BTN2A1: variants seen among roughly 807,000 people sequenced by gnomAD.
The protein encoded by BTN2A1 is butyrophilin, subfamily 2, member A1.
In BTN2A1, 41 loss-of-function variants were observed where a neutral mutation model predicts 34.5. The ratio of observed to expected loss-of-function variants is 1.19; its 90% CI spans 0.93 to 1.54. The LOEUF (loss-of-function observed/expected upper bound fraction) is 1.54, where lower values mean the gene tolerates loss of function less well. Among genes scored for constraint, BTN2A1 ranks in the 40% most tolerant of loss-of-function variants. The probability of loss-of-function intolerance (pLI) is 0.00; values close to 1 mark genes in which losing one functional copy is unlikely to be tolerated. For missense variants in BTN2A1, 642 were observed against 662.0 expected (o/e 0.97, Z 0.33); for synonymous variants, 267 against 258.6 (o/e 1.03, Z -0.31).
At chr6:26,459,426 C>A in intron 2 of BTN2A1, 55 bp from the exon 3 acceptor site, 1 of 1,566,304 alleles carries the variant, frequency 6.4e-7, no homozygotes, top group East Asian at 2.3e-5. Flanking sequence ...TCCTTTCTTG[C>A]CTTAGAGATG....
At position 26,459,581 on chromosome 6, in the gene BTN2A1, C is replaced by G; in HGVS notation, c.183C>G (p.Asp61Glu). Residue 61 changes from aspartate (D) to glutamate (E), a missense_variant, in exon 3 of 8, where the codon GAC becomes GAG. Physicochemically the swap from Asp to Glu is conservative, Grantham distance 45 (BLOSUM62 2). Coordinates refer to ENST00000312541, the MANE Select transcript of BTN2A1 (RefSeq NM_007049.5). ...TGTCACCCGAGAAAAATGCTGAGGA[C>G]ATGGAGGTGCGGTGGTTCCGGTCTC... ...CHLSPEKNAE[D>E]MEVRWFRSQF... The G allele has an allele frequency of 6.2e-7, 1 of 1,613,990 alleles. No homozygotes were observed. The highest frequency in any genetic ancestry group is 1.7e-5 in the Admixed American group (1 of 60,000).
At chr6:26,458,307 G>A (rs1046250597) in intron 1 of BTN2A1, among the ~76,000 whole-genome samples, 165 bp downstream of exon 1, 2 of 152,152 alleles carry the variant, frequency 1.3e-5, no homozygotes, top group Non-Finnish European at 2.9e-5. Flanking sequence ...CTGGGTCGCG[G>A]GGAGGAGGAA....
intron 7 of BTN2A1, chr6:26,476,031 A>T (rs1025795846): frequency 1.5e-5 from 16 of 1,033,092 alleles, no homozygotes; most frequent in Non-Finnish European, 2.3e-5. Context: ...TAGTTGAAAG[A>T]TTTTTTTTTA....
intron 5 of BTN2A1, chr6:26,465,711 C>A (rs1343306896): frequency 1.3e-5 from 8 of 627,726 alleles, no homozygotes; most frequent in African/African-American, 2.3e-5. Context: ...CTCTGCCCAC[C>A]TTGCATTCAT....
Position 26,468,095 on chromosome 6 carries a change from G to C in BTN2A1, c.1130G>C (p.Gly377Ala), listed in dbSNP as rs774849626. The change falls in exon 8 of 8, where the codon GGC (glycine) becomes GCC (alanine). Residue 377 changes from glycine (G) to alanine (A), a missense_variant. Transcript: ENST00000312541. ...ERFDSQPCVL[G>A]RESFASGKHY... The stretch of plus-strand genomic sequence containing the variant: ...TTCGACAGTCAGCCTTGTGTCCTAG[G>C]CCGGGAGAGCTTCGCTTCAGGGAAA... 5 of 1,614,194 alleles carry C rather than the reference G, an allele frequency of 3.1e-6. No homozygotes were observed. Among genetic ancestry groups the C allele is most frequent in the Non-Finnish European group, 4.2e-6 (5 of 1,180,028 alleles).
At chr6:26,458,476 T>A in intron 1 of BTN2A1, 131 bp from the exon 2 acceptor site, 3 of 727,994 alleles carry the variant, frequency 4.1e-6, no homozygotes, top group Middle Eastern at 4.8e-4. Flanking sequence ...GGGACATACC[T>A]GAGCCTTCGG....
exon 8 of BTN2A1, chr6:26,476,164 G>A: frequency 6.5e-7 from 1 of 1,536,562 alleles, no homozygotes; most frequent in Non-Finnish European, 8.7e-7. Flanking sequence ...AACTTAGGGT[G>A]GTGAGTGGGT....
At position 26,468,604 on chromosome 6, in the gene BTN2A1, C is replaced by G; in HGVS notation, c.*55C>G. On this transcript the variant is annotated 3_prime_UTR_variant, in exon 8 of 8. Transcript: ENST00000312541. ...GACAAGCCCTGGTCATCTCAGCAGC[C>G]ACCGCACAACACCCCTGGTGGAAGA... is the stretch of plus-strand genomic sequence containing the variant. 6.2e-7 allele frequency: 1 copy of G among 1,614,182 alleles called. No individual in the cohort carries two copies. The highest frequency in any genetic ancestry group is 8.5e-7 in the Non-Finnish European group (1 of 1,180,028).
chr6:26,467,994 G>C lies in BTN2A1; in HGVS notation c.1029G>C (p.Leu343=), dbSNP rs953127059. 6.2e-7 allele frequency: 1 copy of C among 1,614,100 alleles called. No individual in the cohort carries two copies. The highest frequency in any genetic ancestry group is 8.5e-7 in the Non-Finnish European group (1 of 1,180,040). The part of the protein sequence containing the change: ...DPDTAHPDLF[L]SEDRRSVRRC... ...ACACCGCTCATCCCGATCTCTTCCT[G>C]TCAGAGGACCGGAGAAGTGTGAGAA... The change falls in exon 8 of 8, where the codon CTG becomes CTC. Residue 343 remains leucine (L), a synonymous_variant. Coordinates refer to ENST00000312541, the MANE Select transcript of BTN2A1 (RefSeq NM_007049.5).
intron 7 of BTN2A1, 143 bp downstream of exon 7, chr6:26,466,231 C>A: frequency 8.1e-7 from 1 of 1,239,662 alleles, no homozygotes. Flanking sequence ...AGTGTCCCAG[C>A]AATGATGCAT....
Position 26,465,289 on chromosome 6 carries a change from C to T in BTN2A1, c.817C>T (p.Gln273Ter), listed in dbSNP as rs374232150. 1 of 1,613,684 alleles carries T rather than the reference C, an allele frequency of 6.2e-7. No individual in the cohort carries two copies. Among genetic ancestry groups the T allele is most frequent in the African/African-American group, 1.3e-5 (1 of 74,808 alleles). The change falls in exon 5 of 8, where the codon CAA becomes TAA. Residue 273 changes from glutamine to a stop codon, truncating the protein, a stop_gained. Coordinates refer to ENST00000312541, the MANE Select transcript of BTN2A1 (RefSeq NM_007049.5). LOFTEE classifies it high-confidence loss of function. Reference sequence around the variant, plus strand: ...ATGCATCTATTGGATCAACAAACTCCAAAAGGAAAAAAAGATTCTGTCAGG... The same window carrying T: ...ATGCATCTATTGGATCAACAAACTCTAAAAGGAAAAAAAGATTCTGTCAGG... The part of the protein sequence containing the change: ...AVCIYWINKL[Q>*]KEKKILSGEK...
rs377008113 is a variant in BTN2A1 at position 26,465,235 on chromosome 6, G to A, written c.763G>A (p.Val255Met). ...SPCAVALPII[V>M]VILMIPIAVC... ...CTGTGCAGTGGCCCTGCCTATCATT[G>A]TGGTTATTCTGATGATACCCATTGC... Residue 255 changes from valine (V) to methionine (M), a missense_variant, in exon 5 of 8, where the codon GTG becomes ATG. Physicochemically the swap from Val to Met is conservative, Grantham distance 21 (BLOSUM62 1). Transcript: ENST00000312541. The A allele has an allele frequency of 1.2e-6, 2 of 1,614,076 alleles. No individual in the cohort carries two copies. The highest frequency in any genetic ancestry group is 1.7e-6 in the Non-Finnish European group (2 of 1,179,954).
chr6:26,462,204 G>T (rs1192397003), intron 3 of BTN2A1, among the ~76,000 whole-genome samples: 1 of 152,102 alleles, frequency 6.6e-6, no homozygotes, highest in Non-Finnish European at 1.5e-5. Flanking sequence ...TTCATACCTG[G>T]TGTTCACTCT....
rs751831150 is a variant in BTN2A1, at chr6:26,468,457, T to C, written c.1492T>C (p.Phe498Leu). The change falls in exon 8 of 8, where the codon TTC becomes CTC. Residue 498 changes from phenylalanine to leucine, a missense_variant. Phe to Leu is a conservative substitution (Grantham distance 22). Coordinates refer to ENST00000312541, the MANE Select transcript of BTN2A1 (RefSeq NM_007049.5). ...GTTGGGGTGTGAGGACAGCCCCATC[T>C]TCATCTGCCCTGCACTCACAGGAGC... is the stretch of plus-strand genomic sequence containing the variant. ...FRLGCEDSPI[F>L]ICPALTGANG... 1 of 1,614,148 alleles carries C rather than the reference T, an allele frequency of 6.2e-7. No homozygotes were observed. The highest frequency in any genetic ancestry group is 1.1e-5 in the South Asian group (1 of 91,084).
At chr6:26,476,272 G>C in exon 8 of BTN2A1, 2 of 1,199,574 alleles carry the variant, frequency 1.7e-6, no homozygotes, top group Non-Finnish European at 2.4e-6. Flanking sequence ...AAGAACTGCT[G>C]AGCGGGTCTG....
At chr6:26,470,070 G>A (rs1018305593), downstream of BTN2A1, among the ~76,000 whole-genome samples, 5 of 152,036 alleles carry the variant, frequency 3.3e-5, no homozygotes, top group African/African-American at 7.2e-5. Flanking sequence ...AACACAGGTC[G>A]GGCACGGTGG....
intron 5 of BTN2A1, 75 bp from the exon 6 acceptor site, chr6:26,465,878 C>T (rs1363327447): frequency 1.2e-6 from 2 of 1,608,432 alleles, no homozygotes; most frequent in East Asian, 2.2e-5. Flanking sequence ...AGGACGGTTC[C>T]TGCATTGTTT....
chr6:26,458,799 G>T, intron 2 of BTN2A1, 81 bp downstream of exon 2: 1 of 1,538,150 alleles, frequency 6.5e-7, no homozygotes. Context: ...AAGAAAGAAG[G>T]ACTGTGGAGT....
intron 5 of BTN2A1, 146 bp from the exon 6 acceptor site, chr6:26,465,807 A>C (rs2273558): frequency 0.33 from 504,484 of 1,508,698 alleles, 93,542 homozygotes; most frequent in African/African-American, 0.77. Context: ...GATCATACAT[A>C]ATTTCTGGTT....
Sources: allele counts gnomAD v4.1 joint callset (sites outside exome capture counted in the v4.1 genomes callset), GRCh38; gene constraint gnomAD v4.1.1; transcripts MANE v1.5; gene names NCBI Gene and HGNC (gene_info 2026-07-23, HGNC 2026-07-21).